AGBL4: variants seen among roughly 807,000 people sequenced by gnomAD.
The protein encoded by AGBL4 is cytosolic carboxypeptidase 6.
A neutral mutation model predicts 66.4 loss-of-function variants in AGBL4; 58 were observed. The observed-to-expected ratio is 0.87, with a 90% CI of 0.71 to 1.09. The LOEUF (loss-of-function observed/expected upper bound fraction) is 1.09. Among genes scored for constraint, AGBL4 ranks in the 50% least tolerant of loss-of-function variants. The probability of loss-of-function intolerance (pLI) is 0.00; values close to 1 mark genes in which losing one functional copy is unlikely to be tolerated. For missense variants in AGBL4, 579 were observed against 631.0 expected (o/e 0.92, Z 0.88); for synonymous variants, 234 against 222.9 (o/e 1.05, Z -0.44).
At chr1:48,665,868 T>C (rs368179564) in intron 6 of AGBL4, among the ~76,000 whole-genome samples, 1 of 152,198 alleles carries the variant, frequency 6.6e-6, no homozygotes, top group Admixed American at 6.5e-5. Flanking sequence ...AAGGAGGCCC[T>C]TGGTGAAGGC....
intron 3 of AGBL4, among the ~76,000 whole-genome samples, chr1:49,597,400 C>G (rs1018347625): frequency 1.3e-5 from 2 of 152,152 alleles, no homozygotes; most frequent in Admixed American, 6.5e-5. Flanking sequence ...GGGGTCCTAA[C>G]TAAGTTTGGG....
At chr1:49,688,315 G>C in intron 3 of AGBL4, among the ~76,000 whole-genome samples, 1 of 152,144 alleles carries the variant, frequency 6.6e-6, no homozygotes, top group South Asian at 2.1e-4. Flanking sequence ...ACCACAAAAA[G>C]AGAGAGCATG....
At chr1:50,012,487 C>T (rs965841688) in intron 1 of AGBL4, among the ~76,000 whole-genome samples, 15 of 149,744 alleles carry the variant, frequency 1.0e-4, no homozygotes, top group African/African-American at 3.3e-4. Context: ...ACTACATATC[C>T]AGTTTTTTTA....
intron 3 of AGBL4, among the ~76,000 whole-genome samples, chr1:49,603,927 TATAC>T (rs1394532150): frequency 2.8e-5 from 3 of 107,724 alleles, no homozygotes; most frequent in African/African-American, 1.2e-4. Context: ...TATTCCATGG[TATAC>T]ACACACACAC....
chr1:48,711,176 G>A (rs954069560), intron 6 of AGBL4, among the ~76,000 whole-genome samples: 1 of 152,166 alleles, frequency 6.6e-6, no homozygotes, highest in African/African-American at 2.4e-5. Context: ...TCTACTGACT[G>A]GAGGATGACA....
rs527901317 is a variant in AGBL4 at position 49,580,848 on chromosome 1, C to T, written c.282+116465G>A. 3.3e-5 allele frequency among the ~76,000 whole-genome samples: 5 copies of T among 152,172 alleles called. No individual in the cohort carries two copies. The South Asian group carries it at 1.0e-3, about 32-fold the overall frequency. ...TAATTGTAATATGCCACAATAAAGTCCTTTTTGCCCTGTGTTTCCCTAAAA... is the reference window on the plus strand; with the variant it reads ...TAATTGTAATATGCCACAATAAAGTTCTTTTTGCCCTGTGTTTCCCTAAAA... On this transcript the variant is annotated intron_variant, in intron 3 of 13. Transcript: ENST00000371839.
intron 1 of AGBL4, among the ~76,000 whole-genome samples, chr1:50,002,757 A>G (rs2148422491): frequency 6.6e-6 from 1 of 152,292 alleles, no homozygotes; most frequent in Middle Eastern, 3.4e-3. Flanking sequence ...AAAGACTACC[A>G]GAGGCCTTTC....
intron 3 of AGBL4, among the ~76,000 whole-genome samples, chr1:49,588,920 A>G (rs1216440977): frequency 6.6e-6 from 1 of 151,200 alleles, no homozygotes; most frequent in Non-Finnish European, 1.5e-5. Flanking sequence ...ATGTTGAACT[A>G]TGCTTCATTT....
At chr1:48,666,622 T>C (rs927471089) in intron 6 of AGBL4, among the ~76,000 whole-genome samples, 1 of 152,254 alleles carries the variant, frequency 6.6e-6, no homozygotes, top group African/African-American at 2.4e-5. Context: ...ACCTATTAGA[T>C]GGCCAGGCAC....
chr1:50,004,020 G>A lies in AGBL4; in HGVS notation c.34+19743C>T, dbSNP rs528262321. ...TTTAATTTCCTATCTGTCACTGAAA[G>A]AGGCACTCAAGAGAAGAGGAAAAAT... On this transcript the variant is annotated intron_variant, in intron 1 of 13. Transcript: ENST00000371839. 2.0e-5 allele frequency among the ~76,000 whole-genome samples: 3 copies of A among 152,338 alleles called. No individual in the cohort carries two copies. In the East Asian group the frequency reaches 5.8e-4, roughly 29 times the overall value.
chr1:48,751,545 T>C (rs533363409), intron 6 of AGBL4, among the ~76,000 whole-genome samples: 1 of 152,218 alleles, frequency 6.6e-6, no homozygotes, highest in South Asian at 2.1e-4. Flanking sequence ...TTGTTTTATA[T>C]ATGGAAAGTA....
intron 3 of AGBL4, among the ~76,000 whole-genome samples, chr1:49,341,229 A>T (rs1645533560): frequency 6.6e-6 from 1 of 152,148 alleles, no homozygotes; most frequent in South Asian, 2.1e-4. Context: ...CTGGATCAGG[A>T]CCTCTTTCCA....
intron 5 of AGBL4, among the ~76,000 whole-genome samples, chr1:48,920,947 C>G (rs555418348): frequency 1.3e-5 from 2 of 152,168 alleles, no homozygotes; most frequent in African/African-American, 4.8e-5. Flanking sequence ...CTGCCAAGGC[C>G]CTGTACTGGG....
intron 1 of AGBL4, among the ~76,000 whole-genome samples, chr1:49,964,610 A>C (rs978115090): frequency 6.6e-6 from 1 of 152,166 alleles, no homozygotes; most frequent in Non-Finnish European, 1.5e-5. Flanking sequence ...ATATTCATTT[A>C]TTAAACAGTT....
intron 5 of AGBL4, among the ~76,000 whole-genome samples, chr1:48,988,732 T>C (rs1479058658): frequency 6.6e-6 from 1 of 152,080 alleles, no homozygotes; most frequent in African/African-American, 2.4e-5. Flanking sequence ...AAAAATTCAA[T>C]TTAGAAGGCC....
chr1:49,450,115 A>T (rs1237976627), intron 3 of AGBL4, among the ~76,000 whole-genome samples: 1 of 152,090 alleles, frequency 6.6e-6, no homozygotes, highest in Non-Finnish European at 1.5e-5. Flanking sequence ...TGATGTAAAA[A>T]TGTTTCTTTA....
intron 6 of AGBL4, among the ~76,000 whole-genome samples, chr1:48,678,791 C>A (rs1191404977): frequency 2.0e-5 from 3 of 152,210 alleles, no homozygotes; most frequent in Non-Finnish European, 4.4e-5. Context: ...CTTTCAAAGC[C>A]CTTCTCTTTA....
rs75456179 is a variant in AGBL4 at position 49,295,196 on chromosome 1, G to A, written c.283-49332C>T. ...AGAGTTCTACCTTGTACATACTACA[G>A]TGTAAGCATTGAGGATATAACAAAA... On this transcript the variant is annotated intron_variant, in intron 3 of 13. Coordinates refer to ENST00000371839, the MANE Select transcript of AGBL4 (RefSeq NM_032785.4). Among the ~76,000 whole-genome samples the A allele has an allele frequency of 6.0e-3, 914 of 152,244 alleles. 50 individuals are homozygous for A. In the East Asian group the frequency reaches 0.13, roughly 22 times the overall value.
At chr1:49,830,380 T>C (rs1237474390) in intron 2 of AGBL4, among the ~76,000 whole-genome samples, 1 of 152,242 alleles carries the variant, frequency 6.6e-6, no homozygotes, top group East Asian at 1.9e-4. Context: ...GATGAGCTTT[T>C]TTTACATATA....
Sources: gnomAD v4.1 joint callset for allele counts (sites outside exome capture counted in the v4.1 genomes callset) on GRCh38, gnomAD v4.1.1 for gene constraint, MANE v1.5 for transcripts, NCBI Gene and HGNC (gene_info 2026-07-23, HGNC 2026-07-21) for gene names.